GBE1: variants seen among roughly 807,000 people sequenced by gnomAD.
GBE1 encodes the protein 1,4-alpha-glucan-branching enzyme.
GBE1 carries 70 observed loss-of-function variants against 88.8 expected under a neutral mutation model. The observed-to-expected ratio is 0.79, with a 90% CI of 0.65 to 0.96. The LOEUF (loss-of-function observed/expected upper bound fraction) is 0.96, where lower values mean the gene tolerates loss of function less well. Ranked by LOEUF, GBE1 falls within the 40% of genes least tolerant of loss-of-function variation. The probability of loss-of-function intolerance (pLI) is 0.00; values close to 1 mark genes in which losing one functional copy is unlikely to be tolerated. For synonymous variants in GBE1, 284 were observed against 300.1 expected, an observed-to-expected ratio of 0.95 and a Z score of 0.56; for missense variants, 872 against 871.0, an observed-to-expected ratio of 1.00 and a Z score of -0.01.
intron 15 of GBE1, among the ~76,000 whole-genome samples, chr3:81,495,748 G>A (rs920512634): frequency 1.9e-4 from 29 of 152,100 alleles, no homozygotes; most frequent in African/African-American, 7.0e-4. Flanking sequence ...TAGAGCAGAA[G>A]ATATTTTCCA....
In GBE1 at chr3:81,568,552, T is replaced by C. The variant is rs573309239; in HGVS notation, c.1618+9373A>G. Among the ~76,000 whole-genome samples the C allele has an allele frequency of 1.1e-4, 16 of 152,338 alleles. No homozygotes were observed. In the East Asian group the frequency reaches 3.1e-3, roughly 29 times the overall value. On this transcript the variant is annotated intron_variant, in intron 12 of 15. Coordinates refer to ENST00000429644, the MANE Select transcript of GBE1 (RefSeq NM_000158.4). ...AAGCTTCCTGAGGAAAGAGGCTATA[T>C]TTATCCTGACCACTTTGCATGTCAA...
At chr3:81,536,054 A>G (rs1034877300) in intron 13 of GBE1, among the ~76,000 whole-genome samples, 2 of 152,026 alleles carry the variant, frequency 1.3e-5, no homozygotes, top group African/African-American at 4.8e-5. Flanking sequence ...ACAGCTCTAG[A>G]GTAAACAGGG....
At chr3:81,707,811 T>C (rs1342279462) in intron 1 of GBE1, among the ~76,000 whole-genome samples, 2 of 152,048 alleles carry the variant, frequency 1.3e-5, no homozygotes, top group Non-Finnish European at 2.9e-5. Context: ...TTAGTTTCAT[T>C]GTTTAAAGTT....
chr3:81,711,668 A>T (rs959589034), intron 1 of GBE1, among the ~76,000 whole-genome samples: 2 of 152,232 alleles, frequency 1.3e-5, no homozygotes, highest in Admixed American at 6.5e-5. Context: ...AATGGATTAA[A>T]GACTTAAATG....
At chr3:81,508,671 A>G (rs994239532) in intron 14 of GBE1, among the ~76,000 whole-genome samples, 2 of 152,212 alleles carry the variant, frequency 1.3e-5, no homozygotes, top group African/African-American at 2.4e-5. Context: ...AAATAAAAAC[A>G]TAATTGGAAA....
intron 12 of GBE1, among the ~76,000 whole-genome samples, chr3:81,557,211 C>T (rs2106904067): frequency 1.3e-5 from 2 of 152,064 alleles, no homozygotes; most frequent in South Asian, 4.2e-4. Flanking sequence ...AAAAAAGATA[C>T]CGACCTTGCA....
At chr3:81,590,962 T>C (rs1703869380) in intron 9 of GBE1, 75 bp downstream of exon 9, 1 of 1,274,858 alleles carries the variant, frequency 7.8e-7, no homozygotes, top group Non-Finnish European at 1.1e-6. Context: ...TGAGATTGAT[T>C]AATCAAATAC....
intron 1 of GBE1, among the ~76,000 whole-genome samples, chr3:81,725,782 T>C (rs1019565730): frequency 6.6e-5 from 10 of 152,204 alleles, no homozygotes; most frequent in Admixed American, 2.6e-4. Flanking sequence ...TATAATCTTA[T>C]GGAACCACCA....
chr3:81,715,590 T>C (rs1705927934), intron 1 of GBE1, among the ~76,000 whole-genome samples: 1 of 152,296 alleles, frequency 6.6e-6, no homozygotes, highest in South Asian at 2.1e-4. Context: ...CTAAGACTAA[T>C]TGGTATATAC....
chr3:81,579,698 C>A (rs1703694902), intron 11 of GBE1, among the ~76,000 whole-genome samples: 1 of 145,974 alleles, frequency 6.9e-6, no homozygotes, highest in South Asian at 2.3e-4. Flanking sequence ...AAATATTATT[C>A]TTTTCTAGAT....
chr3:81,490,397 T>C lies in GBE1; in HGVS notation c.*10A>G. 1 of 1,609,746 alleles carries C rather than the reference T, an allele frequency of 6.2e-7. No homozygotes were observed. The highest frequency in any genetic ancestry group is 8.5e-7 in the Non-Finnish European group (1 of 1,176,272). On this transcript the variant is annotated 3_prime_UTR_variant, in exon 16 of 16. Transcript: ENST00000429644. Reference sequence around the variant, plus strand: ...AAATCTGCATCTGGTGGAGCTGAAATCAGGCCTCTTCAATTCGGCAGATCC... The same window carrying C: ...AAATCTGCATCTGGTGGAGCTGAAACCAGGCCTCTTCAATTCGGCAGATCC...
chr3:81,706,552 A>C, intron 1 of GBE1, among the ~76,000 whole-genome samples: 1 of 152,176 alleles, frequency 6.6e-6, no homozygotes, highest in East Asian at 1.9e-4. Context: ...CAATGCCAAT[A>C]AGCTTCTCTA....
chr3:81,658,066 C>T (rs771282306), intron 3 of GBE1, among the ~76,000 whole-genome samples: 1 of 152,022 alleles, frequency 6.6e-6, no homozygotes, highest in Non-Finnish European at 1.5e-5. Flanking sequence ...TCACTAGATA[C>T]CATTATTTTA....
At chr3:81,550,699 C>T (rs9820295) in intron 12 of GBE1, among the ~76,000 whole-genome samples, 23,883 of 152,122 alleles carry the variant, frequency 0.16, 1,980 homozygotes, top group Non-Finnish European at 0.21. Flanking sequence ...TGAGAGTGAC[C>T]TCTGGTCATC....
At chr3:81,627,355 A>T (rs998880928) in intron 7 of GBE1, among the ~76,000 whole-genome samples, 1 of 152,244 alleles carries the variant, frequency 6.6e-6, no homozygotes, top group Non-Finnish European at 1.5e-5. Flanking sequence ...AAAGTGGGAA[A>T]CAAGATAAAC....
At chr3:81,622,917 T>C (rs921971730) in intron 7 of GBE1, among the ~76,000 whole-genome samples, 3 of 152,228 alleles carry the variant, frequency 2.0e-5, no homozygotes, top group Non-Finnish European at 4.4e-5. Flanking sequence ...GCTACTGCAC[T>C]GATCTAAGAC....
chr3:81,616,570 C>T (rs908641595), intron 7 of GBE1, among the ~76,000 whole-genome samples: 8 of 152,128 alleles, frequency 5.3e-5, no homozygotes, highest in African/African-American at 1.9e-4. Flanking sequence ...TATCCCTCCA[C>T]TGATACCACA....
At chr3:81,578,312 G>A (rs1448174977) in intron 11 of GBE1, among the ~76,000 whole-genome samples, 2 of 151,952 alleles carry the variant, frequency 1.3e-5, no homozygotes, top group African/African-American at 4.8e-5. Flanking sequence ...TTCAGGACTG[G>A]ACTGATTTTT....
chr3:81,516,820 A>T (rs1423820440), intron 14 of GBE1, among the ~76,000 whole-genome samples: 1 of 151,570 alleles, frequency 6.6e-6, no homozygotes, highest in Non-Finnish European at 1.5e-5. Flanking sequence ...CTGCAGATGC[A>T]GTGGAAATTG....
Sources: allele counts gnomAD v4.1 joint callset (sites outside exome capture counted in the v4.1 genomes callset), GRCh38; gene constraint gnomAD v4.1.1; transcripts MANE v1.5; gene names NCBI Gene and HGNC (gene_info 2026-07-23, HGNC 2026-07-21).